YWHAE: variants seen among roughly 807,000 people sequenced by gnomAD.
YWHAE encodes the protein 14-3-3 protein epsilon.
In YWHAE, 4 loss-of-function variants were observed where a neutral mutation model predicts 30.1. The ratio of observed to expected loss-of-function variants is 0.13; its 90% CI spans 0.07 to 0.30. The LOEUF (loss-of-function observed/expected upper bound fraction) is 0.30, where lower values mean the gene tolerates loss of function less well. YWHAE is among the 10% of genes least tolerant of loss of function. YWHAE has a pLI of 1.00. For synonymous variants in YWHAE, 118 were observed against 111.8 expected, an observed-to-expected ratio of 1.06 and a Z score of -0.35; for missense variants, 121 against 315.9, an observed-to-expected ratio of 0.38 and a Z score of 4.68.
At chr17:1,397,874 C>T (rs1489912768) in intron 1 of YWHAE, among the ~76,000 whole-genome samples, 2 of 152,076 alleles carry the variant, frequency 1.3e-5, no homozygotes, top group Non-Finnish European at 2.9e-5. Context: ...ATCCTATTTC[C>T]TTACCCCTTT....
intron 4 of YWHAE, among the ~76,000 whole-genome samples, chr17:1,357,007 C>A (rs62087920): frequency 1.3e-5 from 2 of 151,902 alleles, no homozygotes; most frequent in Non-Finnish European, 2.9e-5. Context: ...CGGTGGCTCA[C>A]GCCTGTAATC....
At chr17:1,383,264 T>G (rs1259613040) in intron 1 of YWHAE, among the ~76,000 whole-genome samples, 1 of 152,044 alleles carries the variant, frequency 6.6e-6, no homozygotes, top group Non-Finnish European at 1.5e-5. Context: ...GCAGGAGAAT[T>G]GCTTGATCCT....
At chr17:1,353,589 C>A (rs1377333084) in intron 5 of YWHAE, among the ~76,000 whole-genome samples, 1 of 151,970 alleles carries the variant, frequency 6.6e-6, no homozygotes. Flanking sequence ...ATGGAGAAAT[C>A]CCGTCTCTAC....
intron 4 of YWHAE, among the ~76,000 whole-genome samples, chr17:1,356,847 A>G (rs546044121): frequency 2.6e-5 from 4 of 152,074 alleles, no homozygotes; most frequent in Admixed American, 6.6e-5. Flanking sequence ...AAGCATGCCT[A>G]TAATAGTCAA....
intron 1 of YWHAE, among the ~76,000 whole-genome samples, chr17:1,371,097 T>G (rs2073036334): frequency 6.6e-6 from 1 of 151,924 alleles, no homozygotes; most frequent in African/African-American, 2.4e-5. Flanking sequence ...AGTGTGTGTG[T>G]GTTTTGAAAC....
chr17:1,398,336 C>A (rs1288045200), intron 1 of YWHAE, among the ~76,000 whole-genome samples: 3 of 88,148 alleles, frequency 3.4e-5, no homozygotes, highest in Admixed American at 1.4e-4. Flanking sequence ...CCATCTTATC[C>A]CCCCCCCCAA....
chr17:1,367,204 A>G (rs1238927167), intron 1 of YWHAE, among the ~76,000 whole-genome samples: 5 of 152,200 alleles, frequency 3.3e-5, no homozygotes, highest in African/African-American at 1.2e-4. Context: ...CAGCAACTCT[A>G]TTCATAATAG....
intron 1 of YWHAE, among the ~76,000 whole-genome samples, chr17:1,397,284 T>C (rs1415830751): frequency 6.6e-6 from 1 of 152,178 alleles, no homozygotes; most frequent in Admixed American, 6.5e-5. Context: ...ACTTGCTTAA[T>C]ATGGTTTCAA....
Position 1,400,200 on chromosome 17 carries a change from C to T in YWHAE, c.-90G>A, listed in dbSNP as rs372308487. 1.2e-5 allele frequency: 18 copies of T among 1,504,560 alleles called. No homozygotes were observed. Among genetic ancestry groups the T allele is most frequent in the African/African-American group, 6.9e-5 (5 of 72,704 alleles). The allele number at this position is 1,504,560 out of a possible 1,614,324, so 93.2% of individuals were successfully genotyped here. A position where few individuals can be genotyped will look rare whatever the true frequency, so the allele number is the denominator to read the frequency against. On this transcript the variant is annotated 5_prime_UTR_variant, in exon 1 of 6. Transcript: ENST00000264335. ...AGCCTCTCGCTCCGCGTCCGGGCAG[C>T]AAAAATGGCGGCGCCTCAATCCGGG... is the stretch of plus-strand genomic sequence containing the variant.
At chr17:1,391,184 C>A (rs1266609667) in intron 1 of YWHAE, among the ~76,000 whole-genome samples, 1 of 152,190 alleles carries the variant, frequency 6.6e-6, no homozygotes, top group Non-Finnish European at 1.5e-5. Flanking sequence ...TTTTCAGCAA[C>A]TACCACATCC....
At position 1,380,026 on chromosome 17, in the gene YWHAE, A is replaced by G. The variant is rs532403246; in HGVS notation, c.65-14968T>C. ...CTTTTATTAGACAAAAATGACACAC[A>G]CTTTGGGAAACAGCACAGGAAAGTC... On this transcript the variant is annotated intron_variant, in intron 1 of 5. Transcript: ENST00000264335. Among the ~76,000 whole-genome samples, 21 of 152,130 alleles carry G rather than the reference A, an allele frequency of 1.4e-4. No homozygotes were observed. The East Asian group carries it at 4.0e-3, about 29-fold the overall frequency.
At chr17:1,386,996 C>A (rs2073310509) in intron 1 of YWHAE, among the ~76,000 whole-genome samples, 1 of 151,570 alleles carries the variant, frequency 6.6e-6, no homozygotes, top group Admixed American at 6.6e-5. Flanking sequence ...AATTGTGTAA[C>A]CTTCTATGAA....
intron 4 of YWHAE, among the ~76,000 whole-genome samples, chr17:1,357,297 G>A (rs1417017751): frequency 2.0e-5 from 3 of 151,734 alleles, no homozygotes; most frequent in Non-Finnish European, 4.4e-5. Flanking sequence ...CAGCTACTCG[G>A]GAGGCTGAGG....
chr17:1,354,124 A>G (rs1567957035), intron 5 of YWHAE, 87 bp downstream of exon 5: 6 of 1,497,182 alleles, frequency 4.0e-6, no homozygotes, highest in Admixed American at 4.4e-5. Context: ...CTAGCTTGAT[A>G]TAACGACAAG....
rs1432238619 is a variant in YWHAE, at chr17:1,372,128, G to A, written c.65-7070C>T. On this transcript the variant is annotated intron_variant, in intron 1 of 5. Coordinates refer to ENST00000264335, the MANE Select transcript of YWHAE (RefSeq NM_006761.5). ...GCTGGGATTACAGGCGTGAGCCACC[G>A]CGCTCAGCCGACCTTGTACTTTTTA... Among the ~76,000 whole-genome samples, 6 of 152,248 alleles carry A rather than the reference G, an allele frequency of 3.9e-5. No homozygotes were observed. The East Asian group carries it at 5.8e-4, about 15-fold the overall frequency.
intron 1 of YWHAE, among the ~76,000 whole-genome samples, chr17:1,392,932 G>A (rs2073410604): frequency 6.6e-6 from 1 of 151,918 alleles, no homozygotes; most frequent in South Asian, 2.1e-4. Flanking sequence ...GCCGGGGGTG[G>A]TGGCTCACGC....
chr17:1,369,489 G>T (rs111507954), intron 1 of YWHAE, among the ~76,000 whole-genome samples: 1 of 152,120 alleles, frequency 6.6e-6, no homozygotes, highest in Admixed American at 6.5e-5. Flanking sequence ...GAGAGACTCC[G>T]TCTCCAAAAA....
chr17:1,370,071 T>TTC (rs1305363081), intron 1 of YWHAE, among the ~76,000 whole-genome samples: 1 of 151,952 alleles, frequency 6.6e-6, no homozygotes, highest in Non-Finnish European at 1.5e-5. Context: ...CCTGCATGAT[T>TTC]TCTCTGTAGC....
At chr17:1,365,080 CAGACCTTACAAATTTGA>C (rs1266754077) in intron 1 of YWHAE, 22 bp from the exon 2 acceptor site, 11 of 1,604,038 alleles carry the variant, frequency 6.9e-6, no homozygotes, top group Non-Finnish European at 9.3e-6. Flanking sequence ...AAGGAAAAGT[CAGACCTTACAAATTTGA>C]AGTTTTCTTA....
Sources: allele counts gnomAD v4.1 joint callset (sites outside exome capture counted in the v4.1 genomes callset), GRCh38; gene constraint gnomAD v4.1.1; transcripts MANE v1.5; gene names NCBI Gene and HGNC (gene_info 2026-07-23, HGNC 2026-07-21).